The following NDC80 variants were observed in gnomAD, a reference collection of about 807,000 sequenced individuals.
NDC80 encodes the protein NDC80 kinetochore complex component, also known as kinetochore protein NDC80 homolog.
NDC80 carries 69 observed loss-of-function variants against 89.3 expected under a neutral mutation model. That is an observed-to-expected ratio of 0.77 (90% CI 0.64 to 0.94). NDC80 has a LOEUF of 0.94. Among genes scored for constraint, NDC80 ranks in the 40% least tolerant of loss-of-function variants. The pLI is 0.00. For synonymous variants in NDC80, 243 were observed against 255.6 expected (o/e 0.95, Z 0.47); for missense variants, 593 against 739.6 (o/e 0.80, Z 2.30).
intron 16 of NDC80, chr18:2,614,485 A>G (rs1568015785): frequency 6.8e-4 from 1 of 1,472 alleles, no homozygotes; most frequent in African/African-American, 3.6e-3. Context: ...GAAAGAAAGG[A>G]AGGAAGGAAG....
intron 10 of NDC80, among the ~76,000 whole-genome samples, chr18:2,593,034 G>C (rs2072635188): frequency 7.7e-6 from 1 of 129,554 alleles, no homozygotes; most frequent in Non-Finnish European, 1.6e-5. Context: ...GTGTGTGTGT[G>C]TGTGTGTGTG....
intron 14 of NDC80, among the ~76,000 whole-genome samples, 163 bp downstream of exon 14, chr18:2,606,670 T>C (rs2072713578): frequency 6.6e-6 from 1 of 152,146 alleles, no homozygotes; most frequent in African/African-American, 2.4e-5. Flanking sequence ...TAAGGAGTCA[T>C]TTTATTTTGT....
chr18:2,600,028 A>G (rs1016679098), intron 12 of NDC80, among the ~76,000 whole-genome samples: 1 of 152,196 alleles, frequency 6.6e-6, no homozygotes, highest in African/African-American at 2.4e-5. Context: ...CAATAGAAAA[A>G]ATACATCCAG....
At chr18:2,585,413 C>T (rs919238106) in intron 7 of NDC80, among the ~76,000 whole-genome samples, 5 of 152,158 alleles carry the variant, frequency 3.3e-5, no homozygotes, top group Non-Finnish European at 7.4e-5. Context: ...AACAATTAAA[C>T]TAGCTTACAG....
In NDC80 at chr18:2,608,829, G is replaced by A. The variant is rs1171362533; in HGVS notation, c.1687G>A (p.Glu563Lys). ...GAATGAATTAGATGCTGTTCAGCGG[G>A]AGTAAGTTTATCTCACCAAGATTTA... Reference protein sequence around the residue: ...AMNELDAVQREYQLVVQTTTE... With the variant: ...AMNELDAVQRKYQLVVQTTTE... Residue 563 changes from glutamate (E) to lysine (K), a missense_variant and splice_region_variant, in exon 15 of 17, where the codon GAA becomes AAA. By Grantham distance (56) the Glu-to-Lys change is moderately conservative. Transcript: ENST00000261597. 1.2e-6 allele frequency: 2 copies of A among 1,601,668 alleles called. No individual in the cohort carries two copies. The highest frequency in any genetic ancestry group is 2.7e-5 in the African/African-American group (2 of 74,774).
At chr18:2,585,235 A>G in intron 7 of NDC80, 33 bp downstream of exon 7, 2 of 1,481,036 alleles carry the variant, frequency 1.4e-6, no homozygotes, top group Non-Finnish European at 1.9e-6. Flanking sequence ...GTAATAATGA[A>G]TTGCCTTGAT....
intron 11 of NDC80, among the ~76,000 whole-genome samples, chr18:2,595,891 C>T (rs1200250845): frequency 1.3e-5 from 2 of 152,180 alleles, no homozygotes; most frequent in Admixed American, 6.5e-5. Context: ...AGGTCCCACT[C>T]CTTTTACTCT....
intron 7 of NDC80, among the ~76,000 whole-genome samples, chr18:2,586,556 C>A (rs1259147351): frequency 6.6e-6 from 1 of 151,976 alleles, no homozygotes; most frequent in Non-Finnish European, 1.5e-5. Context: ...ATGGCGAAAC[C>A]CCATCTCTGC....
chr18:2,583,499 G>A (rs920483506), intron 6 of NDC80, among the ~76,000 whole-genome samples: 1 of 152,024 alleles, frequency 6.6e-6, no homozygotes, highest in African/African-American at 2.4e-5. Flanking sequence ...TCAGGAGTTC[G>A]ACACCAGCCT....
intron 10 of NDC80, among the ~76,000 whole-genome samples, 172 bp downstream of exon 10, chr18:2,590,334 A>G (rs2072621551): frequency 6.6e-6 from 1 of 152,228 alleles, no homozygotes; most frequent in Non-Finnish European, 1.5e-5. Context: ...GTCACAAATG[A>G]TCACAAGTTT....
Position 2,605,274 on chromosome 18 carries a change from ATGTGTGTGTGTGTGTGTGTGTG to A in NDC80, c.1465-1107_1465-1086del, listed in dbSNP as rs60324126. Among the ~76,000 whole-genome samples the A allele has an allele frequency of 4.5e-3, 574 of 127,294 alleles. 7 individuals are homozygous for A. The highest frequency in any genetic ancestry group is 0.016 in the African/African-American group (508 of 32,350). 83.5% of individuals were successfully genotyped at this position (127,294 alleles called of 152,430 possible). On this transcript the variant is annotated intron_variant, in intron 13 of 16. Coordinates refer to ENST00000261597, the MANE Select transcript of NDC80 (RefSeq NM_006101.3). ...AATTGGAGTCGGGCGGGCTATATGT[ATGTGTGTGTGTGTGTGTGTGTG>A]TGTGTGTGTGTGTGTGTGTGTGTGT...
intron 12 of NDC80, among the ~76,000 whole-genome samples, chr18:2,600,862 G>A (rs956266461): frequency 6.6e-6 from 1 of 152,152 alleles, no homozygotes; most frequent in Middle Eastern, 3.4e-3. Flanking sequence ...GTATGTTAAC[G>A]TCATTTTAAC....
Position 2,588,026 on chromosome 18 carries a change from T to G in NDC80, c.763+103T>G, listed in dbSNP as rs547147915. ...CCAGTGTTCATATGAGCTACTTACTTTAAATGTATCTGGATGCCTACTGAT... is the reference window on the plus strand; with the variant it reads ...CCAGTGTTCATATGAGCTACTTACTGTAAATGTATCTGGATGCCTACTGAT... On this transcript the variant is annotated intron_variant, in intron 8 of 16. Coordinates refer to ENST00000261597, the MANE Select transcript of NDC80 (RefSeq NM_006101.3). 1.9e-5 allele frequency: 16 copies of G among 826,582 alleles called. No homozygotes were observed. The East Asian group carries it at 3.5e-4, about 18-fold the overall frequency. 51.2% of individuals were successfully genotyped at this position (826,582 alleles called of 1,614,324 possible).
At chr18:2,579,677 T>G (rs1257863092) in intron 6 of NDC80, among the ~76,000 whole-genome samples, 2 of 152,218 alleles carry the variant, frequency 1.3e-5, no homozygotes, top group African/African-American at 4.8e-5. Flanking sequence ...TCTGCCCGCC[T>G]CAGCCTCCCA....
intron 6 of NDC80, among the ~76,000 whole-genome samples, chr18:2,579,931 G>C (rs1456957534): frequency 1.3e-5 from 2 of 152,024 alleles, no homozygotes; most frequent in Non-Finnish European, 2.9e-5. Context: ...AAAATAGCTT[G>C]TTTATATATA....
In NDC80 at chr18:2,578,031, T is replaced by C. The variant is rs2072556650; in HGVS notation, c.366T>C (p.Val122=). The change falls in exon 5 of 17, where the codon GTT becomes GTC. Residue 122 remains valine, a synonymous_variant. Transcript: ENST00000261597. ...VSMKSLQAPS[V]KDFLKIFTFL... is the part of the protein sequence containing the mutation. The stretch of plus-strand genomic sequence containing the variant: ...TGAAATCTCTACAAGCTCCCTCTGT[T>C]AAAGACTTCCTGAAGATCTTCACAT... 6.2e-7 allele frequency: 1 copy of C among 1,614,008 alleles called. No individual in the cohort carries two copies. The highest frequency in any genetic ancestry group is 1.3e-5 in the African/African-American group (1 of 74,934).
intron 10 of NDC80, chr18:2,593,926 G>A (rs200837501): frequency 0.79 from 158,739 of 201,810 alleles, 62,853 homozygotes; most frequent in East Asian, 0.94. Context: ...TTATTTTCCG[G>A]GAGTCTCACT....
At chr18:2,598,206 A>G (rs1490220662) in intron 11 of NDC80, among the ~76,000 whole-genome samples, 1 of 152,192 alleles carries the variant, frequency 6.6e-6, no homozygotes, top group Non-Finnish European at 1.5e-5. Context: ...ATTGATTTTT[A>G]TGGATGGGTA....
chr18:2,591,972 T>C (rs1598239608), intron 10 of NDC80, among the ~76,000 whole-genome samples: 1 of 152,076 alleles, frequency 6.6e-6, no homozygotes, highest in Non-Finnish European at 1.5e-5. Context: ...GCCAGGCTGG[T>C]CTCAAACTCC....
Sources: allele counts gnomAD v4.1 joint callset (sites outside exome capture counted in the v4.1 genomes callset), GRCh38; gene constraint gnomAD v4.1.1; transcripts MANE v1.5; gene names NCBI Gene and HGNC (gene_info 2026-07-23, HGNC 2026-07-21).